TRDN: variants seen among roughly 807,000 people sequenced by gnomAD.
TRDN encodes triadin in skeletal muscle.
In TRDN, 161 loss-of-function variants were observed where a neutral mutation model predicts 149.7. The observed-to-expected ratio is 1.08, with a 90% CI of 0.95 to 1.23. The LOEUF is 1.23. Ranked by LOEUF, TRDN falls within the 50% of genes most tolerant of loss-of-function variation. The pLI, the probability that TRDN is intolerant of heterozygous loss-of-function variation, is 0.00. For synonymous variants in TRDN, 294 were observed against 250.5 expected (o/e 1.17, Z -1.64); for missense variants, 896 against 823.5 (o/e 1.09, Z -1.08).
At chr6:123,499,719 A>AAAAAAAAAAAAAAAAATATAT in intron 8 of TRDN, among the ~76,000 whole-genome samples, 2 of 47,674 alleles carry the variant, frequency 4.2e-5, no homozygotes, top group Non-Finnish European at 9.0e-5. Context: ...AAAAAAAAAA[A>AAAAAAAAAAAAAAAAATATAT]ATATATATAT....
At chr6:123,468,852 C>A (rs1014640657) in intron 9 of TRDN, 4 of 152,070 alleles carry the variant, frequency 2.6e-5, no homozygotes. Flanking sequence ...CGGAGAGTTA[C>A]ATCCAGAGAA....
Position 123,350,188 on chromosome 6 carries a change from C to T in TRDN, c.1369+2351G>A, listed in dbSNP as rs564745733. On this transcript the variant is annotated intron_variant, in intron 21 of 40. Transcript: ENST00000334268. Reference sequence around the variant, plus strand: ...TTTAATTACCTAAAAATATTTTTGTCGTGTTTCTTCTTAACTGACTGTCGA... The same window carrying T: ...TTTAATTACCTAAAAATATTTTTGTTGTGTTTCTTCTTAACTGACTGTCGA... 9.3e-5 allele frequency: 90 copies of T among 969,238 alleles called. No homozygotes were observed. The African/African-American group carries it at 1.4e-3, about 15-fold the overall frequency. The allele number at this position is 969,238 out of a possible 1,614,324, so 60.0% of individuals were successfully genotyped here.
In TRDN at chr6:123,218,369, C is replaced by T. The variant is rs1447110516; in HGVS notation, c.*232G>A. 4.7e-5 allele frequency: 20 copies of T among 424,816 alleles called. No individual in the cohort carries two copies. The highest frequency in any genetic ancestry group is 8.4e-5 in the Non-Finnish European group (20 of 237,666). 26.3% of individuals were successfully genotyped at this position (424,816 alleles called of 1,614,324 possible). ...ACTGGAAATAAGATAAATACAAGCA[C>T]CCCCTCCCACCGCAGCAAACACACA... On this transcript the variant is annotated 3_prime_UTR_variant, in exon 41 of 41. Coordinates refer to ENST00000334268, the MANE Select transcript of TRDN (RefSeq NM_006073.4).
intron 2 of TRDN, among the ~76,000 whole-genome samples, chr6:123,555,182 A>T (rs7341266): frequency 0.46 from 70,608 of 151,972 alleles, 17,311 homozygotes; most frequent in East Asian, 0.9. Flanking sequence ...ACAGTTTCTC[A>T]TAAGTTGGGC....
intron 38 of TRDN, among the ~76,000 whole-genome samples, chr6:123,242,212 G>A (rs1472402815): frequency 6.6e-6 from 1 of 151,888 alleles, no homozygotes; most frequent in Admixed American, 6.6e-5. Flanking sequence ...TTTGCCTTTG[G>A]GCAAGTTCCT....
At chr6:123,469,425 AT>A (rs1257359176) in intron 9 of TRDN, among the ~76,000 whole-genome samples, 7 of 152,166 alleles carry the variant, frequency 4.6e-5, no homozygotes, top group Admixed American at 3.9e-4. Context: ...ATTAAAAATA[AT>A]TGAATTGCCA....
chr6:123,533,948 G>A (rs1780386581), intron 4 of TRDN, among the ~76,000 whole-genome samples: 1 of 152,142 alleles, frequency 6.6e-6, no homozygotes, highest in South Asian at 2.1e-4. Context: ...ATGGTAAGCA[G>A]AGTAGATGCA....
chr6:123,541,341 G>C (rs1478715199), intron 4 of TRDN, among the ~76,000 whole-genome samples: 1 of 152,112 alleles, frequency 6.6e-6, no homozygotes, highest in Non-Finnish European at 1.5e-5. Flanking sequence ...GTCACTTTGC[G>C]TGCCTTGACA....
At chr6:123,599,542 AAAG>A (rs1454245538) in intron 1 of TRDN, among the ~76,000 whole-genome samples, 1 of 152,120 alleles carries the variant, frequency 6.6e-6, no homozygotes, top group Non-Finnish European at 1.5e-5. Flanking sequence ...CAATTGCAAA[AAAG>A]CACATTATTG....
intron 10 of TRDN, among the ~76,000 whole-genome samples, chr6:123,456,325 G>C (rs1031806183): frequency 6.6e-6 from 1 of 152,140 alleles, no homozygotes; most frequent in Non-Finnish European, 1.5e-5. Flanking sequence ...TATTTGAACT[G>C]ATGCACTACA....
chr6:123,566,849 A>G (rs533016374), intron 2 of TRDN, among the ~76,000 whole-genome samples: 25 of 152,362 alleles, frequency 1.6e-4, no homozygotes, highest in African/African-American at 4.1e-4. Context: ...TATAATACAC[A>G]TATTTCAAGA....
intron 7 of TRDN, among the ~76,000 whole-genome samples, chr6:123,511,484 A>C (rs1186848769): frequency 6.6e-6 from 1 of 152,164 alleles, no homozygotes; most frequent in Non-Finnish European, 1.5e-5. Flanking sequence ...TAAATATTGA[A>C]AATAAATAAT....
chr6:123,560,053 G>A (rs1484497217), intron 2 of TRDN, among the ~76,000 whole-genome samples: 1 of 152,066 alleles, frequency 6.6e-6, no homozygotes, highest in East Asian at 1.9e-4. Context: ...AGCCAGGACT[G>A]CACCCTGTAG....
At chr6:123,271,870 A>G (rs1275660614) in intron 29 of TRDN, among the ~76,000 whole-genome samples, 5 of 152,002 alleles carry the variant, frequency 3.3e-5, no homozygotes, top group African/African-American at 1.2e-4. Flanking sequence ...AGTTGTTCCT[A>G]CAAGACAATG....
At chr6:123,616,273 G>T (rs1324905336) in intron 1 of TRDN, among the ~76,000 whole-genome samples, 3 of 151,992 alleles carry the variant, frequency 2.0e-5, no homozygotes, top group Non-Finnish European at 4.4e-5. Flanking sequence ...TTGAGATGCA[G>T]TGAGCTATGA....
rs565644160 is a variant in TRDN at position 123,498,625 on chromosome 6, T to A, written c.794-1373A>T. 4 of 470,892 alleles carry A rather than the reference T, an allele frequency of 8.5e-6. No individual in the cohort carries two copies. In the East Asian group the frequency reaches 2.1e-4, roughly 25 times the overall value. 29.2% of individuals were successfully genotyped at this position (470,892 alleles called of 1,614,324 possible). A position where few individuals can be genotyped will look rare whatever the true frequency, so the allele number is the denominator to read the frequency against. On this transcript the variant is annotated intron_variant, in intron 8 of 40. Coordinates refer to ENST00000334268, the MANE Select transcript of TRDN (RefSeq NM_006073.4). ...TACTGGCAGTAATAGCTGGAGTTTC[T>A]GATCCCAGGACCTGGGAACCCTATG...
intron 5 of TRDN, among the ~76,000 whole-genome samples, chr6:123,526,511 C>A (rs1300830319): frequency 6.6e-6 from 1 of 151,954 alleles, no homozygotes; most frequent in Non-Finnish European, 1.5e-5. Flanking sequence ...AGATAACAGG[C>A]AAAAATGTGG....
At chr6:123,358,840 T>C (rs893681905) in intron 20 of TRDN, among the ~76,000 whole-genome samples, 3 of 152,068 alleles carry the variant, frequency 2.0e-5, no homozygotes, top group Non-Finnish European at 4.4e-5. Flanking sequence ...TATGCTAGAA[T>C]AGTGGTGAGG....
chr6:123,493,759 G>T (rs1409386288), intron 9 of TRDN, among the ~76,000 whole-genome samples: 2 of 152,252 alleles, frequency 1.3e-5, no homozygotes, highest in African/African-American at 4.8e-5. Context: ...GGCAAGAATT[G>T]TCTTATTCTA....
Sources: allele counts gnomAD v4.1 joint callset (sites outside exome capture counted in the v4.1 genomes callset), GRCh38; gene constraint gnomAD v4.1.1; transcripts MANE v1.5; gene names NCBI Gene and HGNC (gene_info 2026-07-23, HGNC 2026-07-21).